The following EGF variants were observed in gnomAD, a reference collection of about 807,000 sequenced individuals.
EGF encodes the protein pro-epidermal growth factor.
In EGF, 95 loss-of-function variants were observed where a neutral mutation model predicts 143.8. That is an observed-to-expected ratio of 0.66 (90% CI 0.56 to 0.78). The LOEUF is 0.78. EGF is among the 30% of genes least tolerant of loss of function. The pLI is 0.00. For missense variants in EGF, 1,320 were observed against 1,470.9 expected, an observed-to-expected ratio of 0.90 and a Z score of 1.68; for synonymous variants, 510 against 510.5, an observed-to-expected ratio of 1.00 and a Z score of 0.01.
chr4:109,986,862 A>G (rs957428348), intron 16 of EGF, among the ~76,000 whole-genome samples: 2 of 152,186 alleles, frequency 1.3e-5, no homozygotes, highest in African/African-American at 4.8e-5. Flanking sequence ...CTTAACTTGT[A>G]TGGTTCATGA....
intron 13 of EGF, among the ~76,000 whole-genome samples, chr4:109,976,794 AC>A (rs1748570535): frequency 6.6e-6 from 1 of 152,242 alleles, no homozygotes; most frequent in Admixed American, 6.5e-5. Flanking sequence ...CAGTATTTAA[AC>A]TGGGCCATGT....
chr4:109,960,697 T>C (rs1327013873), intron 6 of EGF, among the ~76,000 whole-genome samples, 170 bp from the exon 7 acceptor site: 1 of 152,174 alleles, frequency 6.6e-6, no homozygotes, highest in African/African-American at 2.4e-5. Flanking sequence ...TTTATCATCA[T>C]TTAATTGACT....
intron 1 of EGF, among the ~76,000 whole-genome samples, chr4:109,922,104 A>G (rs12510173): frequency 0.54 from 81,946 of 151,276 alleles, 25,204 homozygotes; most frequent in African/African-American, 0.82. Flanking sequence ...TTGGTGTGCA[A>G]GGAAATTGCA....
At chr4:109,917,541 G>A (rs970386881) in intron 1 of EGF, among the ~76,000 whole-genome samples, 13 of 151,908 alleles carry the variant, frequency 8.6e-5, no homozygotes, top group Non-Finnish European at 1.9e-4. Flanking sequence ...AGGTGTACAT[G>A]TGGAGGTTTG....
Position 110,013,488 on chromosome 4 carries a change from T to A in EGF, c.*2033T>A, listed in dbSNP as rs556896373. Among the ~76,000 whole-genome samples the A allele has an allele frequency of 2.0e-5, 3 of 152,268 alleles. No homozygotes were observed. The South Asian group carries it at 6.2e-4, about 32-fold the overall frequency. On this transcript the variant is annotated 3_prime_UTR_variant, in exon 24 of 24. Coordinates refer to ENST00000265171, the MANE Select transcript of EGF (RefSeq NM_001963.6). ...AAAAAACACACTTTGTGTTTTTTAA[T>A]CACCAAGGCACCCTGCAGAGATATC...
At chr4:109,969,823 A>G (rs1747281922) in intron 11 of EGF, among the ~76,000 whole-genome samples, 1 of 152,206 alleles carries the variant, frequency 6.6e-6, no homozygotes, top group Non-Finnish European at 1.5e-5. Context: ...TTTCCCCAGC[A>G]AAATAATTAA....
rs150311153 is a variant in EGF, at chr4:109,963,227, C to A, written c.1367C>A (p.Pro456Gln). Residue 456 changes from proline (P) to glutamine (Q), a missense_variant, in exon 9 of 24, where the codon CCA (proline) becomes CAA (glutamine). By Grantham distance (76) the Pro-to-Gln change is moderately conservative. Transcript: ENST00000265171. ...GCSQLCVPLS[P>Q]VSWECDCFPG... ...AGCCAGCTCTGCGTTCCTCTTAGCC[C>A]AGTATCCTGGGAATGTGATTGCTTT... 2.0e-4 allele frequency: 328 copies of A among 1,613,960 alleles called. No homozygotes were observed. In the African/African-American group the frequency reaches 4.1e-3, roughly 20 times the overall value.
At chr4:109,955,780 T>C (rs1744695063) in intron 5 of EGF, among the ~76,000 whole-genome samples, 1 of 152,346 alleles carries the variant, frequency 6.6e-6, no homozygotes, top group Middle Eastern at 3.4e-3. Flanking sequence ...TGGATGCCTA[T>C]GTTGTAAAAG....
intron 1 of EGF, among the ~76,000 whole-genome samples, chr4:109,937,278 A>G (rs770482015): frequency 3.3e-5 from 5 of 150,542 alleles, no homozygotes; most frequent in Admixed American, 6.6e-5. Flanking sequence ...TCCCTTTACC[A>G]TTATGTAATG....
At chr4:109,962,109 T>C (rs968749666) in intron 8 of EGF, 124 bp downstream of exon 8, 27 of 1,479,240 alleles carry the variant, frequency 1.8e-5, no homozygotes, top group Non-Finnish European at 2.5e-5. Flanking sequence ...CTGAAAGATA[T>C]TGTTACAACA....
Position 110,004,592 on chromosome 4 carries a change from G to A in EGF, c.3261G>A (p.Glu1087=). 1.2e-6 allele frequency: 2 copies of A among 1,613,950 alleles called. No homozygotes were observed. The highest frequency in any genetic ancestry group is 1.7e-6 in the Non-Finnish European group (2 of 1,179,870). Residue 1087 remains glutamate, a synonymous_variant, in exon 22 of 24, where the codon GAG becomes GAA. Transcript: ENST00000265171. ...GGAGTCGCAGGCCTGCTGACACTGA[G>A]GATGGGATGTCCTCTTGCCCTCAAC... ...DVRSRRPADT[E]DGMSSCPQPW...
chr4:109,974,620 A>G (rs1470612823), intron 11 of EGF, 83 bp from the exon 12 acceptor site: 6 of 1,037,910 alleles, frequency 5.8e-6, no homozygotes, highest in Non-Finnish European at 8.9e-6. Flanking sequence ...CTATCTTTGC[A>G]TTTCAGAAAG....
At chr4:109,936,547 G>C (rs918497576) in intron 1 of EGF, among the ~76,000 whole-genome samples, 2 of 152,014 alleles carry the variant, frequency 1.3e-5, no homozygotes, top group African/African-American at 4.8e-5. Context: ...ATCTCCTTCA[G>C]TTCTGCTCTG....
chr4:110,005,372 TA>T (rs1281843155), intron 22 of EGF, among the ~76,000 whole-genome samples: 3 of 152,038 alleles, frequency 2.0e-5, no homozygotes, highest in East Asian at 3.8e-4. Flanking sequence ...TATTTCTTAA[TA>T]TTTCTTTTAT....
intron 11 of EGF, among the ~76,000 whole-genome samples, chr4:109,969,646 G>A (rs1465608726): frequency 6.6e-6 from 1 of 152,032 alleles, no homozygotes; most frequent in African/African-American, 2.4e-5. Context: ...TCAGGCTTTT[G>A]TTATCAGGGA....
intron 4 of EGF, among the ~76,000 whole-genome samples, chr4:109,944,343 G>T (rs1220645919): frequency 2.6e-5 from 4 of 152,114 alleles, no homozygotes; most frequent in Non-Finnish European, 5.9e-5. Flanking sequence ...GGAGGCTGAG[G>T]CAGGAGAATG....
intron 22 of EGF, among the ~76,000 whole-genome samples, chr4:110,006,631 C>T (rs1017589287): frequency 1.3e-5 from 2 of 152,166 alleles, no homozygotes; most frequent in Admixed American, 1.3e-4. Flanking sequence ...GTATTTCATT[C>T]AGGTTTTGAG....
At chr4:109,935,957 T>C (rs571913721) in intron 1 of EGF, among the ~76,000 whole-genome samples, 29 of 152,314 alleles carry the variant, frequency 1.9e-4, no homozygotes, top group African/African-American at 7.0e-4. Flanking sequence ...CAGTGTTTTA[T>C]TGAGGATTTT....
At chr4:109,938,898 C>G (rs1217166093) in intron 1 of EGF, among the ~76,000 whole-genome samples, 20 of 152,154 alleles carry the variant, frequency 1.3e-4, no homozygotes. Flanking sequence ...GAAGCTTTGT[C>G]CCAGAGGGGC....
Sources: allele counts gnomAD v4.1 joint callset (sites outside exome capture counted in the v4.1 genomes callset), GRCh38; gene constraint gnomAD v4.1.1; transcripts MANE v1.5; gene names NCBI Gene and HGNC (gene_info 2026-07-23, HGNC 2026-07-21).